Variants in TEKT3 observed in about 807,000 individuals in gnomAD.
TEKT3 encodes tektin-3.
A neutral mutation model predicts 49.8 loss-of-function variants in TEKT3; 49 were observed. That is an observed-to-expected ratio of 0.98 (90% confidence interval 0.78 to 1.25). The LOEUF is 1.25. Among genes scored for constraint, TEKT3 ranks in the 50% most tolerant of loss-of-function variants. TEKT3 has a pLI of 0.00. For missense variants in TEKT3, 595 were observed against 629.5 expected (o/e 0.95, Z 0.59); for synonymous variants, 225 against 237.2 (o/e 0.95, Z 0.47).
rs370919156 is a variant in TEKT3 at position 15,308,687 on chromosome 17, C to A, written c.1233G>T (p.Leu411Phe). The change falls in exon 8 of 9, where the codon TTG (leucine) becomes TTT (phenylalanine). Residue 411 changes from leucine (L) to phenylalanine (F), a missense_variant. Transcript: ENST00000395930. The stretch of plus-strand genomic sequence containing the variant: ...ACCGTAGCTGAGCCATGTCTCGGCA[C>A]AACTCAATGTTCGGCCGTCTTGTGC... Reference protein sequence around the residue: ...DERTRRPNIELCRDMAQLRLV... With the variant: ...DERTRRPNIEFCRDMAQLRLV... 2.4e-5 allele frequency: 38 copies of A among 1,611,786 alleles called. No homozygotes were observed. The highest frequency in any genetic ancestry group is 3.1e-5 in the Non-Finnish European group (37 of 1,178,990).
chr17:15,312,691 C>T (rs1429644589), intron 6 of TEKT3, among the ~76,000 whole-genome samples: 1 of 152,134 alleles, frequency 6.6e-6, no homozygotes. Flanking sequence ...TTATCTAAAG[C>T]GTAAGCTGGT....
chr17:15,323,809 A>C (rs78611672), intron 4 of TEKT3, among the ~76,000 whole-genome samples: 1 of 152,148 alleles, frequency 6.6e-6, no homozygotes. Flanking sequence ...CTAATTGCAC[A>C]TTCAGTTTTT....
At chr17:15,333,637 C>G (rs1041274001) in intron 2 of TEKT3, among the ~76,000 whole-genome samples, 1 of 152,154 alleles carries the variant, frequency 6.6e-6, no homozygotes, top group Non-Finnish European at 1.5e-5. Context: ...GTTCCAACCC[C>G]TTCCCTATGT....
intron 4 of TEKT3, among the ~76,000 whole-genome samples, chr17:15,324,853 A>G (rs1045335918): frequency 1.3e-5 from 2 of 152,186 alleles, no homozygotes; most frequent in African/African-American, 2.4e-5. Context: ...GCCTATTCCA[A>G]TGTCACGAAT....
intron 2 of TEKT3, among the ~76,000 whole-genome samples, chr17:15,334,479 G>T (rs554391211): frequency 6.6e-6 from 1 of 152,314 alleles, no homozygotes; most frequent in East Asian, 1.9e-4. Flanking sequence ...ATCTTGAGAC[G>T]TCTCAACCCA....
In TEKT3 at chr17:15,331,221, A is replaced by C. The variant is rs747420342; in HGVS notation, c.365T>G (p.Val122Gly). 1 of 1,613,776 alleles carries C rather than the reference A, an allele frequency of 6.2e-7. No individual in the cohort carries two copies. The highest frequency in any genetic ancestry group is 1.1e-5 in the South Asian group (1 of 91,062). Residue 122 changes from valine to glycine, a missense_variant, in exon 3 of 9, where the codon GTG (valine) becomes GGG (glycine). By Grantham distance (109) the Val-to-Gly change is moderately radical. Coordinates refer to ENST00000395930, the MANE Select transcript of TEKT3 (RefSeq NM_031898.3). The stretch of plus-strand genomic sequence containing the variant: ...GTCTTGAATCAGGCGAGATGTATCC[A>C]CTCTTAGTTTCTCCGAATTATGTCG... ...TSRHNSEKLR[V>G]DTSRLIQDKY...
chr17:15,340,099 A>G (rs924189385), intron 1 of TEKT3, 38 bp from the exon 2 acceptor site: 1 of 152,182 alleles, frequency 6.6e-6, no homozygotes, highest in African/African-American at 2.4e-5. Context: ...TAGAATGTAC[A>G]AGAATTCCTT....
At chr17:15,306,089 A>ATATATATATGTGTGTGTGTG (rs1291765039) in intron 8 of TEKT3, among the ~76,000 whole-genome samples, 2 of 144,314 alleles carry the variant, frequency 1.4e-5, no homozygotes, top group African/African-American at 5.1e-5. Flanking sequence ...ATTTATATAT[A>ATATATATATGTGTGTGTGTG]TGTGTGTGTG....
At chr17:15,323,863 C>T (rs1408990654) in intron 4 of TEKT3, among the ~76,000 whole-genome samples, 2 of 152,120 alleles carry the variant, frequency 1.3e-5, no homozygotes, top group Non-Finnish European at 2.9e-5. Context: ...TAAAGGACCC[C>T]CCTGCTACTG....
rs143165525 is a variant in TEKT3, at chr17:15,327,993, G to T, written c.662C>A (p.Thr221Lys). 1 of 1,613,210 alleles carries T rather than the reference G, an allele frequency of 6.2e-7. No individual in the cohort carries two copies. Among genetic ancestry groups the T allele is most frequent in the Admixed American group, 1.7e-5 (1 of 59,998 alleles). ...CTGATGCATTTCCCCCACATTTACC[G>T]TCAGCAGTTGTGCTTCAACTTCATC... ...VHDEVEAQLL[T>K]EVDTILCCQE... is the part of the protein sequence containing the mutation. The change falls in exon 4 of 9, where the codon ACG (threonine) becomes AAG (lysine). Residue 221 changes from threonine to lysine, a missense_variant and splice_region_variant. Physicochemically the swap from Thr to Lys is moderately conservative, Grantham distance 78. Coordinates refer to ENST00000395930, the MANE Select transcript of TEKT3 (RefSeq NM_031898.3).
At chr17:15,332,192 AAAAT>A (rs992788557) in intron 2 of TEKT3, among the ~76,000 whole-genome samples, 4 of 152,120 alleles carry the variant, frequency 2.6e-5, no homozygotes, top group African/African-American at 7.2e-5. Flanking sequence ...CTCCGTCTAA[AAAAT>A]AAATAAATAA....
upstream of TEKT3, among the ~76,000 whole-genome samples, chr17:15,343,294 C>T (rs1023929332): frequency 6.6e-6 from 1 of 152,144 alleles, no homozygotes. Context: ...ATTAAAATTT[C>T]AGGTTAAATT....
chr17:15,333,670 T>C (rs1911865571), intron 2 of TEKT3, among the ~76,000 whole-genome samples: 1 of 152,224 alleles, frequency 6.6e-6, no homozygotes, highest in African/African-American at 2.4e-5. Flanking sequence ...TAATCTGGTT[T>C]ATTTCTAGCA....
chr17:15,343,180 A>G (rs1421577203), upstream of TEKT3, among the ~76,000 whole-genome samples: 1 of 152,246 alleles, frequency 6.6e-6, no homozygotes, highest in African/African-American at 2.4e-5. Flanking sequence ...CTAATTGAAG[A>G]CAAAATTCAT....
At chr17:15,331,684 G>A (rs1911759434) in intron 2 of TEKT3, 70 bp from the exon 3 acceptor site, 2 of 1,194,496 alleles carry the variant, frequency 1.7e-6, no homozygotes, top group Non-Finnish European at 2.3e-6. Context: ...ACAGATAAAA[G>A]GCCACATCTG....
chr17:15,340,632 C>A (rs561157454), intron 1 of TEKT3: 1 of 152,218 alleles, frequency 6.6e-6, no homozygotes, highest in South Asian at 2.1e-4. Flanking sequence ...ATGCTAAATT[C>A]TGTTGGTTAA....
At chr17:15,330,636 C>T (rs376616809) in intron 3 of TEKT3, among the ~76,000 whole-genome samples, 22 of 152,262 alleles carry the variant, frequency 1.4e-4, no homozygotes, top group East Asian at 1.4e-3. Context: ...TAGAACCAGG[C>T]GCCAATTAAA....
At chr17:15,327,815 C>T (rs994430153) in intron 4 of TEKT3, 177 bp downstream of exon 4, 15 of 468,056 alleles carry the variant, frequency 3.2e-5, no homozygotes, top group Non-Finnish European at 1.5e-5. Context: ...TTTTCATATT[C>T]TCATTGAATA....
At position 15,314,152 on chromosome 17, in the gene TEKT3, G is replaced by A. The variant is rs778820482; in HGVS notation, c.813C>T (p.Cys271=). 1 of 1,614,118 alleles carries A rather than the reference G, an allele frequency of 6.2e-7. No homozygotes were observed. Among genetic ancestry groups the A allele is most frequent in the African/African-American group, 1.3e-5 (1 of 74,946 alleles). ...KQTAYRIDDK[C]HHLRNTSDGV... is the part of the protein sequence containing the mutation. Reference sequence around the variant, plus strand: ...CGTCTGATGTGTTGCGCAGGTGGTGGCATTTGTCGTCGATCCGGTAAGCCG... The same window carrying A: ...CGTCTGATGTGTTGCGCAGGTGGTGACATTTGTCGTCGATCCGGTAAGCCG... The change falls in exon 6 of 9, where the codon TGC becomes TGT. Residue 271 remains cysteine, a synonymous_variant. Coordinates refer to ENST00000395930, the MANE Select transcript of TEKT3 (RefSeq NM_031898.3).
Sources: gnomAD v4.1 joint callset for allele counts (sites outside exome capture counted in the v4.1 genomes callset) on GRCh38, gnomAD v4.1.1 for gene constraint, MANE v1.5 for transcripts, NCBI Gene and HGNC (gene_info 2026-07-23, HGNC 2026-07-21) for gene names.